RALYL: variants seen among roughly 807,000 people sequenced by gnomAD.
RALYL encodes the protein RNA-binding Raly-like protein.
Under a neutral mutation model 35.1 loss-of-function variants are expected in RALYL, and 29 were observed. The ratio of observed to expected loss-of-function variants is 0.83; its 90% CI spans 0.61 to 1.13. The LOEUF is 1.13. Among genes scored for constraint, RALYL ranks in the 50% most tolerant of loss-of-function variants. The pLI, the probability that RALYL is intolerant of heterozygous loss-of-function variation, is 0.00. For synonymous variants in RALYL, 120 were observed against 127.6 expected (o/e 0.94, Z 0.40); for missense variants, 359 against 360.4 (o/e 1.00, Z 0.03).
At chr8:84,906,916 C>A in intron 8 of RALYL, 1 of 982,096 alleles carries the variant, frequency 1.0e-6, no homozygotes, top group South Asian at 4.7e-5. Flanking sequence ...TCTAAACCTT[C>A]GCTGTCTTTA....
chr8:84,488,641 C>T (rs2054909590), intron 1 of RALYL, among the ~76,000 whole-genome samples: 1 of 151,582 alleles, frequency 6.6e-6, no homozygotes, highest in African/African-American at 2.4e-5. Context: ...TTAGTCAAAC[C>T]ACTGAAGTTC....
At chr8:84,780,172 G>T (rs1817765330) in intron 3 of RALYL, among the ~76,000 whole-genome samples, 2 of 151,770 alleles carry the variant, frequency 1.3e-5, no homozygotes, top group South Asian at 4.2e-4. Context: ...CAGCCAGATG[G>T]TTCCACTCAA....
At chr8:84,419,303 T>C (rs1306437119) in intron 1 of RALYL, among the ~76,000 whole-genome samples, 1 of 152,146 alleles carries the variant, frequency 6.6e-6, no homozygotes, top group African/African-American at 2.4e-5. Context: ...CTTTTGGTAT[T>C]AACGTCTGTC....
At chr8:84,849,564 T>TC (rs924202515) in intron 4 of RALYL, among the ~76,000 whole-genome samples, 1 of 150,662 alleles carries the variant, frequency 6.6e-6, no homozygotes, top group Non-Finnish European at 1.5e-5. Flanking sequence ...TGTTTTTGTT[T>TC]TTTTTTTTTT....
At chr8:84,457,506 A>G (rs963544962) in intron 1 of RALYL, among the ~76,000 whole-genome samples, 2 of 151,948 alleles carry the variant, frequency 1.3e-5, no homozygotes, top group African/African-American at 4.8e-5. Context: ...ATTTTGAAAA[A>G]GGGACATATT....
intron 2 of RALYL, among the ~76,000 whole-genome samples, chr8:84,574,447 C>A (rs1365456116): frequency 6.6e-6 from 1 of 152,026 alleles, no homozygotes; most frequent in Admixed American, 6.6e-5. Flanking sequence ...CACAGTGCTC[C>A]CTTTTCTCCA....
chr8:84,824,758 G>A (rs2134281398), intron 4 of RALYL, among the ~76,000 whole-genome samples: 1 of 152,236 alleles, frequency 6.6e-6, no homozygotes, highest in Middle Eastern at 3.4e-3. Context: ...AATAAGCGAT[G>A]GGGAATGGAC....
rs1229841570 is a variant in RALYL at position 84,343,692 on chromosome 8, C to T, written c.-24+159268C>T. On this transcript the variant is annotated intron_variant, in intron 1 of 8. Transcript: ENST00000521268. ...CCACCCAGACTGGAGTACAGTGGTG[C>T]AATCATGGCTCACTGCAACCTCAAC... Among the ~76,000 whole-genome samples, 4 of 151,754 alleles carry T rather than the reference C, an allele frequency of 2.6e-5. No individual in the cohort carries two copies. In the East Asian group the frequency reaches 5.8e-4, roughly 22 times the overall value.
intron 1 of RALYL, among the ~76,000 whole-genome samples, chr8:84,235,358 C>T (rs1257781705): frequency 6.6e-6 from 1 of 152,184 alleles, no homozygotes; most frequent in Admixed American, 6.5e-5. Context: ...TCATTATCAG[C>T]TTCCCCTCTT....
intron 1 of RALYL, among the ~76,000 whole-genome samples, chr8:84,249,020 G>A (rs546462831): frequency 5.9e-5 from 9 of 152,060 alleles, no homozygotes; most frequent in East Asian, 3.9e-4. Context: ...GTCATGGAAC[G>A]AGCATTTCTT....
intron 2 of RALYL, among the ~76,000 whole-genome samples, chr8:84,676,219 A>G (rs778296682): frequency 5.9e-5 from 9 of 152,222 alleles, no homozygotes; most frequent in African/African-American, 9.6e-5. Flanking sequence ...AATTGCAAAA[A>G]CCAGGAATCA....
chr8:84,405,058 A>G (rs1280849385), intron 1 of RALYL, among the ~76,000 whole-genome samples: 1 of 152,170 alleles, frequency 6.6e-6, no homozygotes, highest in Non-Finnish European at 1.5e-5. Flanking sequence ...GGATTAAGAA[A>G]CTCACTGAAA....
At chr8:84,872,512 A>AATAGT (rs1840388506) in intron 6 of RALYL, 1 of 152,198 alleles carries the variant, frequency 6.6e-6, no homozygotes, top group South Asian at 2.1e-4. Context: ...TACTGTAGTC[A>AATAGT]ATAGTAGGCT....
rs188339425 is a variant in RALYL, at chr8:84,197,027, T to C, written c.-24+12603T>C. ...ATCTTCATAGGATAGGCTTCTATAT[T>C]AGTGGTATTTGCCTAACACCTAATT... On this transcript the variant is annotated intron_variant, in intron 1 of 8. Transcript: ENST00000521268. 2.3e-3 allele frequency among the ~76,000 whole-genome samples: 352 copies of C among 152,350 alleles called. 2 individuals are homozygous for C. In the Middle Eastern group the frequency reaches 0.024, roughly 10 times the overall value.
intron 2 of RALYL, among the ~76,000 whole-genome samples, chr8:84,661,057 T>C (rs1036463609): frequency 2.0e-5 from 3 of 152,062 alleles, no homozygotes; most frequent in African/African-American, 7.2e-5. Context: ...GTCTCCCGAC[T>C]AGCTGGGACT....
At chr8:84,416,825 A>G (rs1586985995) in intron 1 of RALYL, among the ~76,000 whole-genome samples, 2 of 152,186 alleles carry the variant, frequency 1.3e-5, no homozygotes, top group Admixed American at 6.5e-5. Flanking sequence ...AGAATAAAAG[A>G]ATATACTTTA....
chr8:84,583,915 A>C (rs1168994928), intron 2 of RALYL, among the ~76,000 whole-genome samples: 2 of 152,144 alleles, frequency 1.3e-5, no homozygotes, highest in Admixed American at 1.3e-4. Flanking sequence ...TTTATGATTT[A>C]GTATGACCAC....
rs1403279575 is a variant in RALYL at position 84,253,191 on chromosome 8, T to G, written c.-24+68767T>G. 5.5e-5 allele frequency among the ~76,000 whole-genome samples: 7 copies of G among 126,708 alleles called. No homozygotes were observed. In the South Asian group the frequency reaches 1.4e-3, roughly 26 times the overall value. 83.1% of individuals were successfully genotyped at this position (126,708 alleles called of 152,430 possible). The stretch of plus-strand genomic sequence containing the variant: ...TAGTTCTGCAGTTTTTTTTTTTTTT[T>G]TTTTTTTTTTTTTTTTGAGACAGAA... On this transcript the variant is annotated intron_variant, in intron 1 of 8. Coordinates refer to ENST00000521268, the MANE Select transcript of RALYL (RefSeq NM_173848.7).
intron 2 of RALYL, among the ~76,000 whole-genome samples, chr8:84,654,310 T>TGC: frequency 7.4e-6 from 1 of 134,722 alleles, no homozygotes; most frequent in African/African-American, 2.7e-5. Context: ...TATATATATA[T>TGC]ATATCATGTA....
Sources: gnomAD v4.1 joint callset for allele counts (sites outside exome capture counted in the v4.1 genomes callset) on GRCh38, gnomAD v4.1.1 for gene constraint, MANE v1.5 for transcripts, NCBI Gene and HGNC (gene_info 2026-07-23, HGNC 2026-07-21) for gene names.